Variants in WDR93 observed in about 807,000 individuals in gnomAD.
WDR93 encodes WD repeat domain 93.
In WDR93, 73 loss-of-function variants were observed where a neutral mutation model predicts 82.9. The ratio of observed to expected loss-of-function variants is 0.88; its 90% CI spans 0.73 to 1.07. The LOEUF (loss-of-function observed/expected upper bound fraction) is 1.07, where lower values mean the gene tolerates loss of function less well. Among genes scored for constraint, WDR93 ranks in the 50% least tolerant of loss-of-function variants. The probability of loss-of-function intolerance (pLI) is 0.00; values close to 1 mark genes in which losing one functional copy is unlikely to be tolerated. For missense variants in WDR93, 738 were observed against 826.0 expected (o/e 0.89, Z 1.31); for synonymous variants, 283 against 300.1 (o/e 0.94, Z 0.59).
At chr15:89,727,897 ACACGGTGAAAC>A (rs1241033426) in intron 9 of WDR93, among the ~76,000 whole-genome samples, 1 of 152,110 alleles carries the variant, frequency 6.6e-6, no homozygotes, top group Non-Finnish European at 1.5e-5. Context: ...AGCCTGGTCA[ACACGGTGAAAC>A]CGACTCTACT....
intron 1 of WDR93, among the ~76,000 whole-genome samples, chr15:89,700,987 C>G (rs1055522448): frequency 1.3e-5 from 2 of 151,888 alleles, no homozygotes; most frequent in African/African-American, 4.8e-5. Context: ...TGTACACACA[C>G]ACACACACAC....
chr15:89,730,631 C>T (rs756462572), intron 11 of WDR93, among the ~76,000 whole-genome samples: 127 of 152,162 alleles, frequency 8.3e-4, no homozygotes, highest in Non-Finnish European at 1.6e-3. Flanking sequence ...TGTGGTGGCT[C>T]ATGCCTGTAA....
At chr15:89,690,696 G>T (rs867201269), upstream of WDR93, 36 of 1,200,742 alleles carry the variant, frequency 3.0e-5, 3 homozygotes, top group Middle Eastern at 5.4e-3. Flanking sequence ...GGGCCCGTCG[G>T]ATCCCCAGGG....
chr15:89,693,452 C>T (rs1965003320), intron 1 of WDR93, among the ~76,000 whole-genome samples: 1 of 152,146 alleles, frequency 6.6e-6, no homozygotes, highest in African/African-American at 2.4e-5. Flanking sequence ...TTTCAGTTCC[C>T]TTCTACCACT....
chr15:89,727,218 C>A lies in WDR93; in HGVS notation c.942C>A (p.Gly314=). Residue 314 remains glycine (G), a synonymous_variant, in exon 9 of 17, where the codon GGC becomes GGA. Coordinates refer to ENST00000268130, the MANE Select transcript of WDR93 (RefSeq NM_020212.2). ...AGATCAAGGACTGCTACGGACTGGGCTCCGGGCAGAATCATTTCATCAAGG... is the reference window on the plus strand; with the variant it reads ...AGATCAAGGACTGCTACGGACTGGGATCCGGGCAGAATCATTTCATCAAGG... ...FAKIKDCYGL[G]SGQNHFIKDS... 1 of 1,614,188 alleles carries A rather than the reference C, an allele frequency of 6.2e-7. No homozygotes were observed.
chr15:89,702,123 G>C, intron 2 of WDR93, 74 bp downstream of exon 2: 1 of 1,466,194 alleles, frequency 6.8e-7, no homozygotes, highest in Non-Finnish European at 9.1e-7. Flanking sequence ...CCTGATCCAG[G>C]AAGGAATTCC....
At chr15:89,734,026 T>A (rs1966964345) in intron 13 of WDR93, among the ~76,000 whole-genome samples, 2 of 152,032 alleles carry the variant, frequency 1.3e-5, no homozygotes, top group South Asian at 4.2e-4. Context: ...CGCGCGCATG[T>A]GTGTACGTGT....
chr15:89,701,655 C>T (rs1298907355), intron 1 of WDR93, 52 bp from the exon 2 acceptor site: 1 of 1,450,056 alleles, frequency 6.9e-7, no homozygotes, highest in African/African-American at 1.4e-5. Flanking sequence ...GATGTGCTAT[C>T]TTCTCATTGC....
Position 89,701,989 on chromosome 15 carries a change from G to A in WDR93, c.243G>A (p.Leu81=). Reference sequence around the variant, plus strand: ...AAATTATTGAAGAGAGAAACGCACTGAGGGAAGCTGAGAGCAGCCAGATCC... The same window carrying A: ...AAATTATTGAAGAGAGAAACGCACTAAGGGAAGCTGAGAGCAGCCAGATCC... ...SWEIIEERNA[L]REAESSQIQP... Residue 81 remains leucine (L), a synonymous_variant, in exon 2 of 17, where the codon CTG becomes CTA. Transcript: ENST00000268130. The A allele has an allele frequency of 6.2e-7, 1 of 1,613,294 alleles. No homozygotes were observed. The highest frequency in any genetic ancestry group is 8.5e-7 in the Non-Finnish European group (1 of 1,180,010).
At chr15:89,719,668 T>C in intron 7 of WDR93, 1 of 152,198 alleles carries the variant, frequency 6.6e-6, no homozygotes, top group African/African-American at 2.4e-5. Context: ...AACAATATTT[T>C]AGTTTCATAT....
intron 1 of WDR93, among the ~76,000 whole-genome samples, chr15:89,694,660 CAG>C: frequency 6.6e-6 from 1 of 152,190 alleles, no homozygotes; most frequent in Admixed American, 6.5e-5. Flanking sequence ...ATTCTCTTAA[CAG>C]TGTGTTTTGA....
In WDR93 at chr15:89,743,310, G is replaced by C. The variant is rs1215049523; in HGVS notation, c.1980G>C (p.Lys660Asn). 1 of 1,614,216 alleles carries C rather than the reference G, an allele frequency of 6.2e-7. No homozygotes were observed. Among genetic ancestry groups the C allele is most frequent in the South Asian group, 1.1e-5 (1 of 91,082 alleles). The change falls in exon 17 of 17, where the codon AAG becomes AAC. Residue 660 changes from lysine (K) to asparagine (N), a missense_variant. Transcript: ENST00000268130. The part of the protein sequence containing the change: ...FLQKSYRKLE[K>N]NPEKEEEHWA... ...CCCTCAGCTATCGGAAGCTGGAGAA[G>C]AACCCAGAGAAGGAGGAGGAGCACT... is the stretch of plus-strand genomic sequence containing the variant.
At chr15:89,741,937 G>T (rs927035493) in intron 16 of WDR93, among the ~76,000 whole-genome samples, 2 of 152,140 alleles carry the variant, frequency 1.3e-5, no homozygotes, top group African/African-American at 4.8e-5. Context: ...TTTTTTAGTA[G>T]AGACGGGGTT....
intron 5 of WDR93, among the ~76,000 whole-genome samples, chr15:89,714,042 T>C (rs1426964945): frequency 6.6e-6 from 1 of 152,232 alleles, no homozygotes; most frequent in African/African-American, 2.4e-5. Flanking sequence ...TGAGCATGTT[T>C]CTTTGACAAG....
chr15:89,718,321 A>G (rs958800487), intron 7 of WDR93, among the ~76,000 whole-genome samples: 1 of 152,180 alleles, frequency 6.6e-6, no homozygotes, highest in Admixed American at 6.5e-5. Context: ...TAAAAATACA[A>G]AAATTAGCCG....
intron 1 of WDR93, among the ~76,000 whole-genome samples, chr15:89,696,140 C>A (rs1965162792): frequency 6.6e-6 from 1 of 152,076 alleles, no homozygotes; most frequent in Admixed American, 6.6e-5. Context: ...TGAATAACAC[C>A]CTTCCCTGCT....
At chr15:89,722,221 T>A in intron 8 of WDR93, 82 bp downstream of exon 8, 1 of 1,127,124 alleles carries the variant, frequency 8.9e-7, no homozygotes, top group Non-Finnish European at 1.3e-6. Flanking sequence ...TCTTTTCAAC[T>A]TATTAGCAAC....
chr15:89,723,291 G>C (rs1334285535), intron 8 of WDR93, among the ~76,000 whole-genome samples: 1 of 151,776 alleles, frequency 6.6e-6, no homozygotes, highest in African/African-American at 2.4e-5. Context: ...AAAAACAAAA[G>C]AGAGGCCAAG....
In WDR93 at chr15:89,714,962, T is replaced by C. The variant is rs1335372087; in HGVS notation, c.641-18T>C. ...CTCTCTTACAGTTGCTCAATGGTTCTCTGGTTTCCCAATGCAGGAGCCGGA... is the reference window on the plus strand; with the variant it reads ...CTCTCTTACAGTTGCTCAATGGTTCCCTGGTTTCCCAATGCAGGAGCCGGA... On this transcript the variant is annotated intron_variant, in intron 5 of 16. Transcript: ENST00000268130. The C allele has an allele frequency of 6.2e-7, 1 of 1,605,436 alleles. No individual in the cohort carries two copies. Among genetic ancestry groups the C allele is most frequent in the African/African-American group, 1.3e-5 (1 of 74,762 alleles).
Sources: gnomAD v4.1 joint callset for allele counts (sites outside exome capture counted in the v4.1 genomes callset) on GRCh38, gnomAD v4.1.1 for gene constraint, MANE v1.5 for transcripts, NCBI Gene and HGNC (gene_info 2026-07-23, HGNC 2026-07-21) for gene names.